The following XPO7 variants were observed in gnomAD, a reference collection of about 807,000 sequenced individuals.
XPO7 encodes the protein exportin-7.
In XPO7, 21 loss-of-function variants were observed where a neutral mutation model predicts 144.3. The observed-to-expected ratio is 0.15, with a 90% CI of 0.10 to 0.21. The LOEUF is 0.21. Ranked by LOEUF, XPO7 falls within the 10% of genes least tolerant of loss-of-function variation. The pLI is 1.00. For synonymous variants in XPO7, 580 were observed against 499.6 expected (o/e 1.16, Z -2.15); for missense variants, 808 against 1,325.8 (o/e 0.61, Z 6.06).
intron 4 of XPO7, among the ~76,000 whole-genome samples, chr8:21,970,731 C>G (rs558220183): frequency 6.6e-6 from 1 of 152,146 alleles, no homozygotes; most frequent in African/African-American, 2.4e-5. Flanking sequence ...ATACAGCTTG[C>G]ACTTCATGAT....
intron 1 of XPO7, among the ~76,000 whole-genome samples, chr8:21,943,161 A>C (rs1287701529): frequency 6.6e-6 from 1 of 152,218 alleles, no homozygotes; most frequent in Non-Finnish European, 1.5e-5. Flanking sequence ...TTGGGAACCT[A>C]TGAACTGGAG....
intron 11 of XPO7, among the ~76,000 whole-genome samples, 184 bp from the exon 12 acceptor site, chr8:21,984,462 T>G (rs899663901): frequency 5.3e-5 from 8 of 152,220 alleles, no homozygotes; most frequent in African/African-American, 1.9e-4. Context: ...GGGAGACTGA[T>G]GCTAGGGCGA....
At chr8:22,002,465 T>G (rs529867002) in intron 25 of XPO7, among the ~76,000 whole-genome samples, 193 bp downstream of exon 25, 23 of 152,156 alleles carry the variant, frequency 1.5e-4, no homozygotes, top group Non-Finnish European at 3.2e-4. Flanking sequence ...AACGCTCAGG[T>G]TCTGGATTAT....
chr8:21,930,624 T>G (rs1810612903), intron 1 of XPO7, among the ~76,000 whole-genome samples: 1 of 152,158 alleles, frequency 6.6e-6, no homozygotes, highest in Non-Finnish European at 1.5e-5. Context: ...AAATATGGCT[T>G]CTGTGGAGGA....
chr8:21,995,053 CAAAA>C (rs1038152748), intron 20 of XPO7, among the ~76,000 whole-genome samples: 1 of 141,882 alleles, frequency 7.0e-6, no homozygotes, highest in Admixed American at 6.9e-5. Flanking sequence ...GACTCCATCT[CAAAA>C]AAAAATAAAT....
At position 21,999,141 on chromosome 8, in the gene XPO7, C is replaced by T; in HGVS notation, c.2479C>T (p.Leu827=). Residue 827 remains leucine, a synonymous_variant, in exon 23 of 28, where the codon CTG becomes TTG. Transcript: ENST00000252512. ...GEVPKDQVYA[L]KLKGISICFS... The stretch of plus-strand genomic sequence containing the variant: ...GGTCCCAAAGGATCAGGTCTATGCT[C>T]TGAAGCTCAAGGGCATCTCCATCTG... 6.2e-7 allele frequency: 1 copy of T among 1,613,894 alleles called. No individual in the cohort carries two copies.
Position 21,984,752 on chromosome 8 carries a change from G to T in XPO7, c.1384G>T (p.Val462Leu). 6.2e-7 allele frequency: 1 copy of T among 1,613,986 alleles called. No homozygotes were observed. Among genetic ancestry groups the T allele is most frequent in the Non-Finnish European group, 8.5e-7 (1 of 1,179,894 alleles). ...CEYEKTCALL[V>L]QLFDQSAQSY... Reference sequence around the variant, plus strand: ...ATATGAGAAGACGTGTGCACTCCTCGTGCAGTTGTTTGACCAGTCGGCCCA... The same window carrying T: ...ATATGAGAAGACGTGTGCACTCCTCTTGCAGTTGTTTGACCAGTCGGCCCA... The change falls in exon 12 of 28, where the codon GTG becomes TTG. Residue 462 changes from valine (V) to leucine (L), a missense_variant. This residue lies in a region of XPO7 where 416 missense variants were observed against 612.5 expected (regional missense o/e 0.68). Transcript: ENST00000252512.
chr8:21,944,533 C>CGACACTG, intron 1 of XPO7, among the ~76,000 whole-genome samples: 1 of 152,104 alleles, frequency 6.6e-6, no homozygotes, highest in Non-Finnish European at 1.5e-5. Flanking sequence ...CACCACTGTA[C>CGACACTG]TCCAGCCTGG....
At chr8:21,989,362 A>G (rs1260435608) in intron 16 of XPO7, among the ~76,000 whole-genome samples, 1 of 152,224 alleles carries the variant, frequency 6.6e-6, no homozygotes, top group Non-Finnish European at 1.5e-5. Flanking sequence ...TCTCATAGGT[A>G]CATACTCTGT....
intron 13 of XPO7, 78 bp downstream of exon 13, chr8:21,985,769 C>T: frequency 7.7e-7 from 1 of 1,290,548 alleles, no homozygotes; most frequent in Admixed American, 1.7e-5. Flanking sequence ...TCTCCACTTA[C>T]AGAACGTAAT....
At chr8:21,989,835 T>A (rs1812704954) in intron 16 of XPO7, among the ~76,000 whole-genome samples, 1 of 43,026 alleles carries the variant, frequency 2.3e-5, no homozygotes, top group Non-Finnish European at 4.0e-5. Context: ...TTTTTTTTTT[T>A]TTTTTTTTTT....
At chr8:21,993,821 T>A (rs533337217) in intron 19 of XPO7, among the ~76,000 whole-genome samples, 49 of 152,244 alleles carry the variant, frequency 3.2e-4, no homozygotes, top group African/African-American at 1.2e-3. Flanking sequence ...TGACTTCCTT[T>A]AGGGTATATA....
chr8:21,957,483 T>C (rs1293354034), intron 1 of XPO7, among the ~76,000 whole-genome samples: 1 of 152,202 alleles, frequency 6.6e-6, no homozygotes, highest in African/African-American at 2.4e-5. Context: ...TCAGTTACCA[T>C]TGATTTTTCT....
Position 21,984,685 on chromosome 8 carries a change from C to A in XPO7, c.1317C>A (p.Val439=). The A allele has an allele frequency of 6.2e-7, 1 of 1,613,728 alleles. No homozygotes were observed. The highest frequency in any genetic ancestry group is 1.1e-5 in the South Asian group (1 of 91,030). The stretch of plus-strand genomic sequence containing the variant: ...ATCCCCTGGAGGATACGGGGCTGGT[C>A]CAGCAGCAGTTGGACCAGCTGTCCA... The part of the protein sequence containing the change: ...LEDPLEDTGL[V]QQQLDQLSTI... Residue 439 remains valine (V), a synonymous_variant, in exon 12 of 28, where the codon GTC becomes GTA. Transcript: ENST00000252512.
intron 1 of XPO7, among the ~76,000 whole-genome samples, chr8:21,922,000 T>G (rs188177507): frequency 1.3e-5 from 2 of 152,302 alleles, no homozygotes; most frequent in East Asian, 3.9e-4. Context: ...AAATAAAGGA[T>G]TCATTAAAGA....
Position 21,981,770 on chromosome 8 carries a change from C to G in XPO7, c.997C>G (p.Leu333Val). The G allele has an allele frequency of 6.2e-7, 1 of 1,613,952 alleles. No homozygotes were observed. ...AAACAATTACCATGAGTTTTGCAGA[C>G]TACTGGCCCGATTGAAGAGTAACTA... ...DPNNYHEFCR[L>V]LARLKSNYQL... Residue 333 changes from leucine to valine, a missense_variant, in exon 10 of 28, where the codon CTA becomes GTA. Around this residue, in one of 5 missense-constraint regions of XPO7, gnomAD observed 26 missense variants for 85.8 expected, o/e 0.30. Transcript: ENST00000252512.
At chr8:21,999,011 T>G (rs985125207) in intron 22 of XPO7, 80 bp from the exon 23 acceptor site, 87 of 1,551,730 alleles carry the variant, frequency 5.6e-5, no homozygotes, top group Non-Finnish European at 7.4e-5. Context: ...CTGGAATTTG[T>G]ATGCCTTTGG....
At chr8:21,931,539 G>A (rs1810650775) in intron 1 of XPO7, among the ~76,000 whole-genome samples, 1 of 152,222 alleles carries the variant, frequency 6.6e-6, no homozygotes, top group Admixed American at 6.5e-5. Flanking sequence ...AACAGCCTCA[G>A]ATTCTGTTAC....
At chr8:21,927,538 CT>C (rs576510771) in intron 1 of XPO7, among the ~76,000 whole-genome samples, 18,106 of 120,518 alleles carry the variant, frequency 0.15, 1,035 homozygotes, top group African/African-American at 0.29. Flanking sequence ...AAAAACCAAC[CT>C]TTTTTTTTTT....
Sources: gnomAD v4.1 joint callset for allele counts (sites outside exome capture counted in the v4.1 genomes callset) on GRCh38, gnomAD v4.1.1 for gene constraint, gnomAD v4.1.1 regional missense constraint, MANE v1.5 for transcripts, NCBI Gene and HGNC (gene_info 2026-07-23, HGNC 2026-07-21) for gene names.